Variants in KIF16B observed in about 807,000 individuals in gnomAD.
KIF16B encodes the protein kinesin-like protein KIF16B.
In KIF16B, 98 loss-of-function variants were observed where a neutral mutation model predicts 156.3. The observed-to-expected ratio is 0.63, with a 90% CI of 0.53 to 0.74. The LOEUF (loss-of-function observed/expected upper bound fraction) is 0.74. KIF16B is among the 30% of genes least tolerant of loss of function. The pLI is 0.00. For missense variants in KIF16B, 1,421 were observed against 1,606.5 expected, an observed-to-expected ratio of 0.88 and a Z score of 1.97; for synonymous variants, 564 against 583.7, an observed-to-expected ratio of 0.97 and a Z score of 0.49.
chr20:16,525,746 T>G (rs1475796591), intron 3 of KIF16B, among the ~76,000 whole-genome samples: 2 of 152,212 alleles, frequency 1.3e-5, no homozygotes. Flanking sequence ...CAAGGTTAAG[T>G]GGCTTCTTTA....
intron 25 of KIF16B, among the ~76,000 whole-genome samples, chr20:16,285,758 A>C (rs1027005697): frequency 2.0e-5 from 3 of 152,194 alleles, no homozygotes; most frequent in African/African-American, 4.8e-5. Flanking sequence ...TTGAGGCTGC[A>C]GTTGAGCCAT....
chr20:16,522,245 G>A (rs1400412624), intron 3 of KIF16B, among the ~76,000 whole-genome samples: 1 of 152,104 alleles, frequency 6.6e-6, no homozygotes, highest in Non-Finnish European at 1.5e-5. Context: ...ATAGAGTCAA[G>A]ACCCATTGGT....
At chr20:16,498,828 T>C (rs1029022286) in intron 10 of KIF16B, among the ~76,000 whole-genome samples, 1 of 104,440 alleles carries the variant, frequency 9.6e-6, no homozygotes, top group African/African-American at 2.8e-5. Flanking sequence ...AATTGCCAAG[T>C]TGTCTTCCCC....
chr20:16,288,314 T>G (rs1227986651), intron 25 of KIF16B, among the ~76,000 whole-genome samples: 1 of 152,238 alleles, frequency 6.6e-6, no homozygotes. Context: ...GATTAGAAGA[T>G]TAAAGGAGCT....
At chr20:16,300,209 C>T (rs1231594593) in intron 25 of KIF16B, among the ~76,000 whole-genome samples, 1 of 152,100 alleles carries the variant, frequency 6.6e-6, no homozygotes, top group Non-Finnish European at 1.5e-5. Flanking sequence ...TATAGACAGA[C>T]GTTGAACTTG....
chr20:16,356,815 C>G (rs2064452543), intron 22 of KIF16B, among the ~76,000 whole-genome samples: 1 of 152,146 alleles, frequency 6.6e-6, no homozygotes, highest in Admixed American at 6.5e-5. Flanking sequence ...AAGTCTTGAC[C>G]ATCTGACAAA....
intron 25 of KIF16B, among the ~76,000 whole-genome samples, chr20:16,299,627 G>C (rs911181012): frequency 6.6e-6 from 1 of 152,200 alleles, no homozygotes; most frequent in African/African-American, 2.4e-5. Context: ...CTGTACCAAA[G>C]AGAACTTTGG....
chr20:16,343,853 T>A (rs2064183881), intron 23 of KIF16B, among the ~76,000 whole-genome samples: 7 of 152,172 alleles, frequency 4.6e-5, no homozygotes, highest in South Asian at 2.1e-4. Context: ...ATTTTTTTTT[T>A]AATCTTATTC....
intron 25 of KIF16B, among the ~76,000 whole-genome samples, chr20:16,286,865 G>T (rs904220752): frequency 3.3e-5 from 5 of 152,230 alleles, no homozygotes; most frequent in African/African-American, 1.2e-4. Flanking sequence ...CCTAGGTGGG[G>T]TTTGTGACTT....
intron 12 of KIF16B, among the ~76,000 whole-genome samples, chr20:16,433,161 C>T (rs1181271561): frequency 6.6e-6 from 1 of 152,096 alleles, no homozygotes; most frequent in South Asian, 2.1e-4. Context: ...AATCACACAG[C>T]TCTATTTCAT....
chr20:16,405,333 A>G (rs1192041233), intron 16 of KIF16B, among the ~76,000 whole-genome samples: 6 of 151,670 alleles, frequency 4.0e-5, no homozygotes, highest in African/African-American at 1.5e-4. Context: ...AGCTTGACCT[A>G]TTTTGCTTCC....
chr20:16,484,936 T>G (rs2068075029), intron 12 of KIF16B, among the ~76,000 whole-genome samples: 1 of 152,154 alleles, frequency 6.6e-6, no homozygotes. Flanking sequence ...CAGATTTTTT[T>G]GCAAAAAATG....
intron 12 of KIF16B, among the ~76,000 whole-genome samples, chr20:16,450,163 T>TTTA (rs1568548349): frequency 6.6e-6 from 1 of 152,136 alleles, no homozygotes; most frequent in Non-Finnish European, 1.5e-5. Context: ...TGGTCAAAAA[T>TTTA]CCAATTTTAT....
At chr20:16,526,776 C>T (rs1385424344) in intron 2 of KIF16B, among the ~76,000 whole-genome samples, 1 of 152,182 alleles carries the variant, frequency 6.6e-6, no homozygotes, top group Non-Finnish European at 1.5e-5. Context: ...GCTTAAAGTG[C>T]ACCTCAGAAC....
chr20:16,568,861 T>G (rs529365599), intron 1 of KIF16B, among the ~76,000 whole-genome samples: 4 of 139,534 alleles, frequency 2.9e-5, no homozygotes, highest in Admixed American at 2.1e-4. Flanking sequence ...AAGGCATAGC[T>G]GTGACTGTCT....
intron 6 of KIF16B, 41 bp from the exon 7 acceptor site, chr20:16,508,141 A>G: frequency 6.2e-7 from 1 of 1,601,394 alleles, no homozygotes; most frequent in Non-Finnish European, 8.5e-7. Context: ...TCCCCCTAAT[A>G]TATAGGAAAT....
At chr20:16,368,259 C>T (rs554043149) in intron 22 of KIF16B, 12 of 1,002,014 alleles carry the variant, frequency 1.2e-5, no homozygotes, top group African/African-American at 6.9e-5. Context: ...CTGAGCTTGG[C>T]GAGGAACCTG....
intron 1 of KIF16B, among the ~76,000 whole-genome samples, chr20:16,538,115 C>T (rs1460162213): frequency 6.6e-6 from 1 of 152,156 alleles, no homozygotes; most frequent in African/African-American, 2.4e-5. Flanking sequence ...ATCTCACCTG[C>T]ATAGCTTTAT....
At chr20:16,317,343 T>C (rs1048007632) in intron 24 of KIF16B, among the ~76,000 whole-genome samples, 1 of 152,120 alleles carries the variant, frequency 6.6e-6, no homozygotes, top group Non-Finnish European at 1.5e-5. Context: ...GTTCCTGAAG[T>C]TCTATATATT....
Sources: gnomAD v4.1 joint callset for allele counts (sites outside exome capture counted in the v4.1 genomes callset) on GRCh38, gnomAD v4.1.1 for gene constraint, MANE v1.5 for transcripts, NCBI Gene and HGNC (gene_info 2026-07-23, HGNC 2026-07-21) for gene names.